The following NXPH1 variants were observed in gnomAD, a reference collection of about 807,000 sequenced individuals.
NXPH1 encodes the protein neurexophilin-1.
In NXPH1, 5 loss-of-function variants were observed where a neutral mutation model predicts 23.7. The ratio of observed to expected loss-of-function variants is 0.21; its 90% confidence interval spans 0.11 to 0.44. The LOEUF (loss-of-function observed/expected upper bound fraction) is 0.44, where lower values mean the gene tolerates loss of function less well. Among genes scored for constraint, NXPH1 ranks in the 20% least tolerant of loss-of-function variants. The pLI is 0.99. For missense variants in NXPH1, 324 were observed against 321.6 expected (o/e 1.01, Z -0.06); for synonymous variants, 144 against 122.2 (o/e 1.18, Z -1.18).
chr7:8,575,239 A>T (rs1818729681), intron 2 of NXPH1, among the ~76,000 whole-genome samples: 1 of 152,160 alleles, frequency 6.6e-6, no homozygotes, highest in South Asian at 2.1e-4. Flanking sequence ...TCTCTTTATG[A>T]CACAAAAGGG....
chr7:8,747,308 C>T (rs1780487500), intron 2 of NXPH1, among the ~76,000 whole-genome samples: 1 of 152,200 alleles, frequency 6.6e-6, no homozygotes, highest in African/African-American at 2.4e-5. Flanking sequence ...TTTTATTCTA[C>T]CTGAAAATCA....
At chr7:8,614,378 G>T (rs1266896631) in intron 2 of NXPH1, among the ~76,000 whole-genome samples, 1 of 151,704 alleles carries the variant, frequency 6.6e-6, no homozygotes, top group Non-Finnish European at 1.5e-5. Context: ...ATTCCTACTG[G>T]CTGTTTAAGA....
intron 2 of NXPH1, among the ~76,000 whole-genome samples, chr7:8,515,674 A>T (rs1266669688): frequency 6.6e-6 from 1 of 152,160 alleles, no homozygotes; most frequent in African/African-American, 2.4e-5. Flanking sequence ...GGCTGTAAAT[A>T]AGACCTAATG....
At chr7:8,545,293 G>A (rs1452542894) in intron 2 of NXPH1, among the ~76,000 whole-genome samples, 1 of 151,492 alleles carries the variant, frequency 6.6e-6, no homozygotes, top group Non-Finnish European at 1.5e-5. Context: ...ATCAATTAAT[G>A]ACAGTGTTGG....
intron 2 of NXPH1, among the ~76,000 whole-genome samples, chr7:8,509,602 GT>G (rs2128613752): frequency 6.6e-6 from 1 of 152,164 alleles, no homozygotes; most frequent in African/African-American, 2.4e-5. Flanking sequence ...GTGTGTGCTT[GT>G]TAGGGAGCTT....
intron 2 of NXPH1, among the ~76,000 whole-genome samples, chr7:8,658,041 A>G (rs1334974001): frequency 6.6e-6 from 1 of 152,244 alleles, no homozygotes; most frequent in African/African-American, 2.4e-5. Context: ...AAATAAATAA[A>G]TAAAAATAAA....
At chr7:8,549,143 C>T (rs139578664) in intron 2 of NXPH1, among the ~76,000 whole-genome samples, 1 of 151,568 alleles carries the variant, frequency 6.6e-6, no homozygotes, top group East Asian at 2.0e-4. Flanking sequence ...ACTGAAGAGC[C>T]AGTCTTGTTG....
At chr7:8,466,532 G>C (rs1816788437) in intron 2 of NXPH1, among the ~76,000 whole-genome samples, 1 of 152,114 alleles carries the variant, frequency 6.6e-6, no homozygotes, top group Admixed American at 6.6e-5. Context: ...CTGGAGTTCT[G>C]ATCTATTCAT....
chr7:8,516,005 C>G (rs1817681285), intron 2 of NXPH1, among the ~76,000 whole-genome samples: 1 of 152,088 alleles, frequency 6.6e-6, no homozygotes, highest in South Asian at 2.1e-4. Flanking sequence ...CAACTTCTGT[C>G]TTAGTCATAT....
intron 2 of NXPH1, among the ~76,000 whole-genome samples, chr7:8,485,336 T>C (rs1236262150): frequency 6.6e-6 from 1 of 152,182 alleles, no homozygotes; most frequent in Non-Finnish European, 1.5e-5. Flanking sequence ...TAAACCTTTT[T>C]CTTTTATAAA....
intron 2 of NXPH1, among the ~76,000 whole-genome samples, chr7:8,541,302 G>T (rs1818113688): frequency 2.0e-5 from 3 of 151,598 alleles, no homozygotes. Flanking sequence ...TGAAACACAA[G>T]AGAAAAGAGG....
At position 8,442,654 on chromosome 7, in the gene NXPH1, G is replaced by T. The variant is rs908368164; in HGVS notation, c.54+6887G>T. On this transcript the variant is annotated intron_variant, in intron 2 of 2. Coordinates refer to ENST00000405863, the MANE Select transcript of NXPH1 (RefSeq NM_152745.3). This position sits in a 1 kb window ranked among gnomAD's most constrained non-coding sequence, Gnocchi z 4.6. ...GAAACTCAGTCCGCTGACCAAAGCC[G>T]CAGTGTTCAGGCCCCGGGGTTTCCC... is the stretch of plus-strand genomic sequence containing the variant. Among the ~76,000 whole-genome samples the T allele has an allele frequency of 2.0e-5, 3 of 152,228 alleles. No individual in the cohort carries two copies. The highest frequency in any genetic ancestry group is 4.4e-5 in the Non-Finnish European group (3 of 68,048).
At chr7:8,735,734 C>CT (rs1302939579) in intron 2 of NXPH1, among the ~76,000 whole-genome samples, 4 of 152,068 alleles carry the variant, frequency 2.6e-5, no homozygotes, top group African/African-American at 9.7e-5. Context: ...CTTTGTACCT[C>CT]GGTAGAATGC....
intron 2 of NXPH1, among the ~76,000 whole-genome samples, chr7:8,699,792 G>A (rs953534642): frequency 6.6e-6 from 1 of 152,026 alleles, no homozygotes; most frequent in South Asian, 2.1e-4. Context: ...TTATTGTGGG[G>A]CAATCCACAA....
chr7:8,648,199 C>G (rs4401738), intron 2 of NXPH1, among the ~76,000 whole-genome samples: 3 of 151,692 alleles, frequency 2.0e-5, no homozygotes, highest in Non-Finnish European at 4.4e-5. Flanking sequence ...TTAAAAATGT[C>G]CAATTAAGTT....
chr7:8,518,276 C>A (rs1817718685), intron 2 of NXPH1, among the ~76,000 whole-genome samples: 1 of 151,970 alleles, frequency 6.6e-6, no homozygotes, highest in Non-Finnish European at 1.5e-5. Flanking sequence ...TGATCAGGGG[C>A]CTGGGTATGT....
intron 2 of NXPH1, among the ~76,000 whole-genome samples, chr7:8,629,948 A>G (rs1820090887): frequency 6.6e-6 from 1 of 152,170 alleles, no homozygotes. Context: ...TAGCTTATAT[A>G]TAGCTTTAAG....
At chr7:8,526,494 A>G (rs1439193121) in intron 2 of NXPH1, among the ~76,000 whole-genome samples, 3 of 152,128 alleles carry the variant, frequency 2.0e-5, no homozygotes. Flanking sequence ...AGAGATTTGG[A>G]GAGGCCAGGG....
intron 2 of NXPH1, among the ~76,000 whole-genome samples, chr7:8,518,867 G>A (rs532438594): frequency 1.3e-5 from 2 of 152,026 alleles, no homozygotes; most frequent in Non-Finnish European, 2.9e-5. Flanking sequence ...GTAATATAGG[G>A]GCAAGTTCTT....
Sources: gnomAD v4.1 joint callset for allele counts (sites outside exome capture counted in the v4.1 genomes callset) on GRCh38, gnomAD v4.1.1 for gene constraint, Gnocchi (gnomAD v3.1) non-coding constraint, MANE v1.5 for transcripts, NCBI Gene and HGNC (gene_info 2026-07-23, HGNC 2026-07-21) for gene names.